The following PRRC2C variants were observed in gnomAD, a reference collection of about 807,000 sequenced individuals.
The protein encoded by PRRC2C is proline rich coiled-coil 2C.
In PRRC2C, 72 loss-of-function variants were observed where a neutral mutation model predicts 317.2. The observed-to-expected ratio is 0.23, with a 90% CI of 0.19 to 0.28. The LOEUF is 0.28. Among genes scored for constraint, PRRC2C ranks in the 10% least tolerant of loss-of-function variants. The pLI is 1.00. For synonymous variants in PRRC2C, 1,296 were observed against 1,205.9 expected (o/e 1.07, Z -1.55); for missense variants, 3,074 against 3,459.7 (o/e 0.89, Z 2.80).
chr1:171,496,345 G>A (rs1668103692), intron 1 of PRRC2C, among the ~76,000 whole-genome samples: 1 of 151,400 alleles, frequency 6.6e-6, no homozygotes, highest in Non-Finnish European at 1.5e-5. Flanking sequence ...TGAGACTACA[G>A]GTGCACGCCA....
chr1:171,586,140 G>A (rs1649895512), intron 30 of PRRC2C, among the ~76,000 whole-genome samples: 1 of 141,326 alleles, frequency 7.1e-6, no homozygotes, highest in Admixed American at 7.5e-5. Flanking sequence ...TTGGCTCACT[G>A]CAACCTCCAC....
At chr1:171,504,243 A>G (rs1164347173) in intron 1 of PRRC2C, among the ~76,000 whole-genome samples, 1 of 152,146 alleles carries the variant, frequency 6.6e-6, no homozygotes, top group Non-Finnish European at 1.5e-5. Flanking sequence ...TCCAGACTCT[A>G]GTTTGTCCTT....
Position 171,586,728 on chromosome 1 carries a change from A to C in PRRC2C, c.7750-275A>C, listed in dbSNP as rs192723766. On this transcript the variant is annotated intron_variant, in intron 30 of 34. Transcript: ENST00000647382. ...CCCAAGTAGCTGAGACTACAGGCAC[A>C]TGCCACCACATGCAGCTAATTTTCG... Among the ~76,000 whole-genome samples the C allele has an allele frequency of 3.5e-3, 533 of 150,978 alleles. 2 individuals are homozygous for C. The highest frequency in any genetic ancestry group is 5.9e-3 in the Non-Finnish European group (398 of 67,728).
At position 171,589,400 on chromosome 1, in the gene PRRC2C, T is replaced by C; in HGVS notation, c.8231T>C (p.Leu2744Ser). The stretch of plus-strand genomic sequence containing the variant: ...TCCCAGCCTAACCTGGTCCCTCCAT[T>C]GGTAAGAGCCCCACATACTAACACC... Reference protein sequence around the residue: ...ILSQPNLVPPLVRAPHTNTFP... With the variant: ...ILSQPNLVPPSVRAPHTNTFP... The change falls in exon 34 of 35, where the codon TTG becomes TCG. Residue 2744 changes from leucine (L) to serine (S), a missense_variant. Coordinates refer to ENST00000647382, the MANE Select transcript of PRRC2C (RefSeq NM_001387844.1). 1 of 1,289,282 alleles carries C rather than the reference T, an allele frequency of 7.8e-7. No homozygotes were observed. The highest frequency in any genetic ancestry group is 2.1e-4 in the Middle Eastern group (1 of 4,692). The allele number at this position is 1,289,282 out of a possible 1,614,324, so 79.9% of individuals were successfully genotyped here.
chr1:171,582,120 T>TA (rs2102842451), intron 28 of PRRC2C, among the ~76,000 whole-genome samples: 1 of 152,240 alleles, frequency 6.6e-6, no homozygotes, highest in East Asian at 1.9e-4. Context: ...CCATTTATAT[T>TA]AAAAATATAT....
intron 15 of PRRC2C, 133 bp downstream of exon 15, chr1:171,537,606 C>T (rs768278022): frequency 1.0e-4 from 84 of 814,612 alleles, no homozygotes; most frequent in Middle Eastern, 3.5e-4. Context: ...ATTTAGCATG[C>T]TACGCTTACT....
intron 19 of PRRC2C, among the ~76,000 whole-genome samples, chr1:171,558,633 A>T (rs973522096): frequency 6.6e-6 from 1 of 152,196 alleles, no homozygotes; most frequent in Non-Finnish European, 1.5e-5. Context: ...CCCAAATAAG[A>T]TAGTGAACTT....
At position 171,557,982 on chromosome 1, in the gene PRRC2C, C is replaced by T. The variant is rs767412012; in HGVS notation, c.5870C>T (p.Pro1957Leu). Reference protein sequence around the residue: ...QTTSQSSKQPPPSIRLPSAQT... With the variant: ...QTTSQSSKQPLPSIRLPSAQT... ...ACATCTCAGTCTTCAAAACAACCAC[C>T]ACCATCAATTAGGCTGCCTTCAGCT... The change falls in exon 19 of 35, where the codon CCA becomes CTA. Residue 1957 changes from proline to leucine, a missense_variant. Pro to Leu is a moderately conservative substitution (Grantham distance 98). Transcript: ENST00000647382. 6.2e-7 allele frequency: 1 copy of T among 1,613,748 alleles called. No homozygotes were observed. The highest frequency in any genetic ancestry group is 8.5e-7 in the Non-Finnish European group (1 of 1,179,802).
intron 19 of PRRC2C, among the ~76,000 whole-genome samples, chr1:171,558,789 C>G (rs1484843344): frequency 6.6e-6 from 1 of 152,086 alleles, no homozygotes; most frequent in Non-Finnish European, 1.5e-5. Flanking sequence ...TCTAAGTGTT[C>G]AAGTGGATGG....
intron 18 of PRRC2C, among the ~76,000 whole-genome samples, chr1:171,552,128 T>C (rs1234239584): frequency 6.6e-6 from 1 of 152,186 alleles, no homozygotes; most frequent in Non-Finnish European, 1.5e-5. Context: ...TGTGTTCTCT[T>C]TTATTTTGTT....
At chr1:171,570,886 T>C (rs1684668695) in intron 23 of PRRC2C, among the ~76,000 whole-genome samples, 1 of 152,194 alleles carries the variant, frequency 6.6e-6, no homozygotes, top group Non-Finnish European at 1.5e-5. Context: ...AGAGCTTTGC[T>C]ACACAGTATG....
At chr1:171,570,021 T>C (rs1486711529) in intron 23 of PRRC2C, among the ~76,000 whole-genome samples, 1 of 152,062 alleles carries the variant, frequency 6.6e-6, no homozygotes, top group Non-Finnish European at 1.5e-5. Context: ...CCCAGCCTCA[T>C]ATATAGGTGA....
rs570561542 is a variant in PRRC2C at position 171,539,067 on chromosome 1, T to G, written c.2505-904T>G. Among the ~76,000 whole-genome samples the G allele has an allele frequency of 2.6e-5, 4 of 151,606 alleles. No individual in the cohort carries two copies. In the East Asian group the frequency reaches 7.8e-4, roughly 30 times the overall value. On this transcript the variant is annotated intron_variant, in intron 15 of 34. Transcript: ENST00000647382. ...CCCAGGCTGGAGTGCAATGGTGCCA[T>G]CTCAGCTCACCGCAACCTCCGCCTC...
At chr1:171,490,356 G>A (rs1666895931) in intron 1 of PRRC2C, among the ~76,000 whole-genome samples, 1 of 152,120 alleles carries the variant, frequency 6.6e-6, no homozygotes, top group African/African-American at 2.4e-5. Flanking sequence ...CACCCTTTGG[G>A]ACATTACTGC....
chr1:171,519,988 T>C (rs1673242620), intron 6 of PRRC2C, among the ~76,000 whole-genome samples: 1 of 152,172 alleles, frequency 6.6e-6, no homozygotes, highest in Non-Finnish European at 1.5e-5. Flanking sequence ...TTGTTAAATG[T>C]TTTTTGCTCT....
At position 171,557,522 on chromosome 1, in the gene PRRC2C, C is replaced by T; in HGVS notation, c.5410C>T (p.Pro1804Ser). The T allele has an allele frequency of 6.4e-7, 1 of 1,551,562 alleles. No individual in the cohort carries two copies. Among genetic ancestry groups the T allele is most frequent in the Non-Finnish European group, 8.7e-7 (1 of 1,146,968 alleles). ...PVLASTSAPV[P>S]ASPLAPVSAS... Reference sequence around the variant, plus strand: ...TCTGGCCTCAACCTCAGCTCCAGTTCCAGCCTCACCCTTAGCTCCAGTTTC... The same window carrying T: ...TCTGGCCTCAACCTCAGCTCCAGTTTCAGCCTCACCCTTAGCTCCAGTTTC... The change falls in exon 19 of 35, where the codon CCA (proline) becomes TCA (serine). Residue 1804 changes from proline (P) to serine (S), a missense_variant. By Grantham distance (74) the Pro-to-Ser change is moderately conservative. Coordinates refer to ENST00000647382, the MANE Select transcript of PRRC2C (RefSeq NM_001387844.1).
At chr1:171,526,899 C>G (rs997802017) in intron 10 of PRRC2C, among the ~76,000 whole-genome samples, 2 of 145,694 alleles carry the variant, frequency 1.4e-5, no homozygotes, top group African/African-American at 2.6e-5. Context: ...ACCTCTGCCT[C>G]TCAGGTTCAA....
At chr1:171,539,887 G>C in intron 15 of PRRC2C, 84 bp from the exon 16 acceptor site, 1 of 1,171,774 alleles carries the variant, frequency 8.5e-7, no homozygotes, top group Non-Finnish European at 1.2e-6. Context: ...ATTGCTTTCT[G>C]TTTTAGAGGG....
At chr1:171,579,111 G>A (rs1010289533) in intron 26 of PRRC2C, among the ~76,000 whole-genome samples, 3 of 152,054 alleles carry the variant, frequency 2.0e-5, no homozygotes, top group Admixed American at 2.0e-4. Flanking sequence ...TACCCCATTG[G>A]CGGTATATAA....
Sources: allele counts gnomAD v4.1 joint callset (sites outside exome capture counted in the v4.1 genomes callset), GRCh38; gene constraint gnomAD v4.1.1; transcripts MANE v1.5; gene names NCBI Gene and HGNC (gene_info 2026-07-23, HGNC 2026-07-21).